Variants in ZCCHC10 observed in about 807,000 individuals in gnomAD.
ZCCHC10 encodes the protein zinc finger CCHC-type containing 10.
A neutral mutation model predicts 19.5 loss-of-function variants in ZCCHC10; 16 were observed. The ratio of observed to expected loss-of-function variants is 0.82; its 90% CI spans 0.56 to 1.25. ZCCHC10 has a LOEUF of 1.25. Ranked by LOEUF, ZCCHC10 falls within the 50% of genes most tolerant of loss-of-function variation. ZCCHC10 has a pLI of 0.00. For synonymous variants in ZCCHC10, 67 were observed against 72.5 expected (o/e 0.92, Z 0.38); for missense variants, 197 against 201.0 (o/e 0.98, Z 0.12).
chr5:133,003,846 G>A (rs1453573053), intron 3 of ZCCHC10, among the ~76,000 whole-genome samples: 3 of 152,040 alleles, frequency 2.0e-5, no homozygotes, highest in Non-Finnish European at 4.4e-5. Flanking sequence ...AAGTAGCTGC[G>A]ATTACAGGGT....
intron 2 of ZCCHC10, among the ~76,000 whole-genome samples, chr5:133,019,791 T>C (rs1279079566): frequency 2.0e-5 from 3 of 150,550 alleles, no homozygotes; most frequent in Non-Finnish European, 4.4e-5. Flanking sequence ...CCGTCTCTAC[T>C]AAAAATAAAA....
intron 3 of ZCCHC10, among the ~76,000 whole-genome samples, chr5:133,004,467 C>T (rs1762978016): frequency 6.6e-6 from 1 of 152,144 alleles, no homozygotes; most frequent in Non-Finnish European, 1.5e-5. Context: ...AGCCACCGCG[C>T]CCGGCTTAGT....
intron 2 of ZCCHC10, among the ~76,000 whole-genome samples, chr5:133,020,217 A>G (rs1764211287): frequency 6.6e-6 from 1 of 151,936 alleles, no homozygotes; most frequent in South Asian, 2.1e-4. Flanking sequence ...GTAATATCCC[A>G]GCACTTTGGA....
chr5:133,002,053 C>A (rs919233882), intron 3 of ZCCHC10, among the ~76,000 whole-genome samples: 7 of 129,598 alleles, frequency 5.4e-5, no homozygotes, highest in Non-Finnish European at 1.1e-4. Flanking sequence ...GCTCCACCTC[C>A]CGGGTTCATG....
chr5:133,000,805 G>T (rs571240760), intron 3 of ZCCHC10, among the ~76,000 whole-genome samples: 1 of 151,724 alleles, frequency 6.6e-6, no homozygotes, highest in Non-Finnish European at 1.5e-5. Flanking sequence ...ACCAAGCCCG[G>T]CTAATTTTTA....
chr5:133,024,279 G>A (rs1420275601), intron 1 of ZCCHC10, among the ~76,000 whole-genome samples: 2 of 152,116 alleles, frequency 1.3e-5, no homozygotes, highest in South Asian at 2.1e-4. Flanking sequence ...ATCCACCCTG[G>A]TTATCATTGG....
intron 2 of ZCCHC10, among the ~76,000 whole-genome samples, chr5:133,016,938 C>G (rs1057006919): frequency 1.3e-5 from 2 of 151,730 alleles, no homozygotes; most frequent in Non-Finnish European, 2.9e-5. Context: ...CCAGGCAGGC[C>G]CCCCCCAGAC....
intron 2 of ZCCHC10, among the ~76,000 whole-genome samples, chr5:133,010,570 G>A (rs1194570178): frequency 6.6e-6 from 1 of 152,060 alleles, no homozygotes; most frequent in Non-Finnish European, 1.5e-5. Flanking sequence ...ATGGTTTGTG[G>A]AACCTTATAT....
At chr5:133,001,116 G>A (rs989750193) in intron 3 of ZCCHC10, among the ~76,000 whole-genome samples, 10 of 151,688 alleles carry the variant, frequency 6.6e-5, no homozygotes, top group Non-Finnish European at 8.8e-5. Context: ...GGCCAGGTGC[G>A]GTGGCTCACA....
chr5:133,017,763 C>A (rs143918861), intron 2 of ZCCHC10, among the ~76,000 whole-genome samples: 250 of 152,164 alleles, frequency 1.6e-3, no homozygotes, highest in African/African-American at 5.7e-3. Flanking sequence ...ATGGTAATAA[C>A]AAAGAATAAA....
intron 3 of ZCCHC10, among the ~76,000 whole-genome samples, chr5:133,004,888 CTGCATTCCATCTGTTATA>C (rs1415079099): frequency 1.3e-5 from 2 of 152,222 alleles, no homozygotes; most frequent in East Asian, 3.8e-4. Flanking sequence ...ACTCGATTCT[CTGCATTCCATCTGTTATA>C]TGCCACAAGT....
chr5:133,005,824 G>A (rs1265494579), intron 3 of ZCCHC10, among the ~76,000 whole-genome samples: 1 of 152,054 alleles, frequency 6.6e-6, no homozygotes, highest in Non-Finnish European at 1.5e-5. Context: ...GTTTTAGGAA[G>A]AATTGTATAT....
intron 2 of ZCCHC10, among the ~76,000 whole-genome samples, chr5:133,012,008 C>T (rs1219272104): frequency 2.0e-5 from 3 of 151,420 alleles, no homozygotes; most frequent in Non-Finnish European, 4.4e-5. Context: ...TGGTGGCAGG[C>T]ACCTGTAGTC....
At chr5:133,000,499 G>C (rs1029010587) in intron 3 of ZCCHC10, among the ~76,000 whole-genome samples, 1 of 152,112 alleles carries the variant, frequency 6.6e-6, no homozygotes, top group Non-Finnish European at 1.5e-5. Flanking sequence ...ACTACCTCCT[G>C]AACAACAGAA....
chr5:133,026,396 G>A, intron 1 of ZCCHC10, 101 bp downstream of exon 1: 2 of 1,496,202 alleles, frequency 1.3e-6, no homozygotes, highest in South Asian at 2.4e-5. Flanking sequence ...TTGAGAAACG[G>A]ACATTCTCCG....
At chr5:133,005,642 T>C (rs1021273429) in intron 3 of ZCCHC10, among the ~76,000 whole-genome samples, 2 of 144,176 alleles carry the variant, frequency 1.4e-5, no homozygotes, top group African/African-American at 5.6e-5. Flanking sequence ...CCATTCACTT[T>C]CTCAGCACAA....
chr5:133,015,183 A>G (rs1331775966), intron 2 of ZCCHC10, among the ~76,000 whole-genome samples: 3 of 149,544 alleles, frequency 2.0e-5, no homozygotes, highest in Non-Finnish European at 2.9e-5. Flanking sequence ...GGCTCAAGAG[A>G]TTCTCCTGCC....
intron 3 of ZCCHC10, among the ~76,000 whole-genome samples, chr5:133,001,270 A>C (rs1001903438): frequency 2.0e-5 from 3 of 151,508 alleles, no homozygotes. Context: ...GCATGCCTGT[A>C]CTCCCAGCTA....
At chr5:133,004,847 G>A (rs1230784226) in intron 3 of ZCCHC10, among the ~76,000 whole-genome samples, 1 of 152,016 alleles carries the variant, frequency 6.6e-6, no homozygotes, top group East Asian at 1.9e-4. Context: ...TAGATTGATT[G>A]GAATGGAAAG....
Sources: allele counts gnomAD v4.1 joint callset (sites outside exome capture counted in the v4.1 genomes callset), GRCh38; gene constraint gnomAD v4.1.1; transcripts MANE v1.5; gene names NCBI Gene and HGNC (gene_info 2026-07-23, HGNC 2026-07-21).